The following CAMSAP1 variants were observed in gnomAD, a reference collection of about 807,000 sequenced individuals.
CAMSAP1 encodes the protein calmodulin regulated spectrin associated protein 1.
CAMSAP1 carries 58 observed loss-of-function variants against 143.5 expected under a neutral mutation model. That is an observed-to-expected ratio of 0.40 (90% CI 0.33 to 0.50). The LOEUF (loss-of-function observed/expected upper bound fraction) is 0.50. Among genes scored for constraint, CAMSAP1 ranks in the 20% least tolerant of loss-of-function variants. The pLI is 0.45. For missense variants in CAMSAP1, 1,969 were observed against 2,115.7 expected (o/e 0.93, Z 1.36); for synonymous variants, 945 against 859.3 (o/e 1.10, Z -1.74).
rs1387289720 is a variant in CAMSAP1 at position 135,820,280 on chromosome 9, A to C, written c.3822+559T>G. On this transcript the variant is annotated intron_variant, in intron 11 of 16. Transcript: ENST00000389532. The surrounding 1 kb of genome is among the most constrained non-coding windows in gnomAD (Gnocchi z 4.4). ...TTAGGAGACGACGATATATGGTCTTATCATCTTAGGAGACAACGAACGTCA... is the reference window on the plus strand; with the variant it reads ...TTAGGAGACGACGATATATGGTCTTCTCATCTTAGGAGACAACGAACGTCA... Among the ~76,000 whole-genome samples the C allele has an allele frequency of 1.3e-5, 2 of 152,260 alleles. No homozygotes were observed. Among genetic ancestry groups the C allele is most frequent in the Non-Finnish European group, 1.5e-5 (1 of 68,046 alleles).
intron 3 of CAMSAP1, among the ~76,000 whole-genome samples, chr9:135,870,282 T>G: frequency 6.6e-6 from 1 of 152,224 alleles, no homozygotes; most frequent in Non-Finnish European, 1.5e-5. Context: ...GATGGTTTTA[T>G]AAGGCAGTTT....
rs1305638601 is a variant in CAMSAP1 at position 135,823,228 on chromosome 9, T to C, written c.1433A>G (p.His478Arg). 5.7e-6 allele frequency: 9 copies of C among 1,566,524 alleles called. 1 individual carries two copies. In the South Asian group the frequency reaches 7.3e-5, roughly 13 times the overall value. ...PASQPTPFAL[H>R]HAASCEVDPS... Reference sequence around the variant, plus strand: ...ATCCACTTCACAACTCGCAGCGTGATGTAGAGCAAAAGGTGTTGGCTGGGA... The same window carrying C: ...ATCCACTTCACAACTCGCAGCGTGACGTAGAGCAAAAGGTGTTGGCTGGGA... Residue 478 changes from histidine to arginine, a missense_variant, in exon 11 of 17, where the codon CAT becomes CGT. Around this residue, in one of 4 missense-constraint regions of CAMSAP1, gnomAD observed 1,390 missense variants for 1,420.8 expected, o/e 0.98. Coordinates refer to ENST00000389532, the MANE Select transcript of CAMSAP1 (RefSeq NM_015447.4).
intron 5 of CAMSAP1, among the ~76,000 whole-genome samples, chr9:135,851,264 ACT>A (rs888375414): frequency 2.6e-5 from 4 of 152,212 alleles, no homozygotes; most frequent in African/African-American, 4.8e-5. Context: ...TTCAGAAATA[ACT>A]TTTTACATAA....
chr9:135,863,947 TG>T (rs1291611976), intron 4 of CAMSAP1, among the ~76,000 whole-genome samples: 1 of 152,096 alleles, frequency 6.6e-6, no homozygotes, highest in Non-Finnish European at 1.5e-5. Flanking sequence ...TAAGGTCAGG[TG>T]AAACACTCCG....
chr9:135,816,306 GC>G (rs1257512063), intron 14 of CAMSAP1, among the ~76,000 whole-genome samples: 2 of 152,220 alleles, frequency 1.3e-5, no homozygotes, highest in Non-Finnish European at 2.9e-5. Context: ...CGTGAGCAGG[GC>G]ACAGGCACAG....
At position 135,822,035 on chromosome 9, in the gene CAMSAP1, A is replaced by G. The variant is rs759919454; in HGVS notation, c.2626T>C (p.Ser876Pro). The G allele has an allele frequency of 1.2e-6, 2 of 1,612,762 alleles. No individual in the cohort carries two copies. The highest frequency in any genetic ancestry group is 1.7e-6 in the Non-Finnish European group (2 of 1,179,476). ...TGCATGTGCAGCTGTACCAGCTCAG[A>G]TGCCAGGAGGCTGGCGGGATCCTTG... ...HGKDPASLLA[S>P]ELVQLHMQLE... The change falls in exon 11 of 17, where the codon TCT (serine) becomes CCT (proline). Residue 876 changes from serine to proline, a missense_variant. Ser to Pro is a moderately conservative substitution (Grantham distance 74). This residue lies in a region of CAMSAP1 where 1,390 missense variants were observed against 1,420.8 expected (regional missense o/e 0.98). Transcript: ENST00000389532. This position sits in a 1 kb window ranked among gnomAD's most constrained non-coding sequence, Gnocchi z 6.1.
chr9:135,813,577 G>T (rs564756597), intron 16 of CAMSAP1, among the ~76,000 whole-genome samples: 1 of 152,218 alleles, frequency 6.6e-6, no homozygotes, highest in African/African-American at 2.4e-5. Flanking sequence ...CTGCCTGCAC[G>T]ATAAGGAAGC....
chr9:135,876,435 C>T (rs1837752425), intron 3 of CAMSAP1, among the ~76,000 whole-genome samples: 1 of 152,002 alleles, frequency 6.6e-6, no homozygotes, highest in Non-Finnish European at 1.5e-5. Flanking sequence ...AGCAGCACCT[C>T]ATAAAAGAAT....
At chr9:135,856,303 C>G (rs1836968069) in intron 5 of CAMSAP1, among the ~76,000 whole-genome samples, 1 of 152,080 alleles carries the variant, frequency 6.6e-6, no homozygotes, top group South Asian at 2.1e-4. Flanking sequence ...AGAATGAGAG[C>G]CAAGCTAAAT....
At chr9:135,859,346 A>T (rs998279435) in intron 5 of CAMSAP1, among the ~76,000 whole-genome samples, 1 of 152,192 alleles carries the variant, frequency 6.6e-6, no homozygotes, top group African/African-American at 2.4e-5. Flanking sequence ...TTTCTGTTAC[A>T]TAAGTCAGCA....
intron 3 of CAMSAP1, among the ~76,000 whole-genome samples, chr9:135,879,302 C>G (rs1837855430): frequency 6.6e-6 from 1 of 152,070 alleles, no homozygotes; most frequent in Non-Finnish European, 1.5e-5. Flanking sequence ...TCTGCCAAGT[C>G]CACAGAAACA....
chr9:135,816,017 A>C lies in CAMSAP1; in HGVS notation c.4272-12T>G, dbSNP rs1564414727. ...CCATCGATTCCACTCTGCAGGCAGA[A>C]ACAGACAAGAGACAGGCAGGTGAAG... On this transcript the variant is annotated splice_polypyrimidine_tract_variant and intron_variant, in intron 14 of 16. Coordinates refer to ENST00000389532, the MANE Select transcript of CAMSAP1 (RefSeq NM_015447.4). 1 of 1,612,250 alleles carries C rather than the reference A, an allele frequency of 6.2e-7. No homozygotes were observed. The highest frequency in any genetic ancestry group is 1.7e-5 in the Admixed American group (1 of 60,012).
At chr9:135,836,184 A>G in intron 7 of CAMSAP1, 5 of 985,046 alleles carry the variant, frequency 5.1e-6, no homozygotes, top group Non-Finnish European at 6.0e-6. Flanking sequence ...ATCACCACAT[A>G]CCTTTACCCG....
chr9:135,818,631 C>T lies in CAMSAP1; in HGVS notation c.3960-15G>A. 2.5e-6 allele frequency: 4 copies of T among 1,609,248 alleles called. No individual in the cohort carries two copies. The highest frequency in any genetic ancestry group is 2.2e-5 in the East Asian group (1 of 44,742). On this transcript the variant is annotated splice_polypyrimidine_tract_variant and intron_variant, in intron 12 of 16. Transcript: ENST00000389532. This position sits in a 1 kb window ranked among gnomAD's most constrained non-coding sequence, Gnocchi z 7.7. ...CAGCTTTGCGCCTGAGAGAAACACACGCCCAGACACTGCTCGGTCACGGGG... is the reference window on the plus strand; with the variant it reads ...CAGCTTTGCGCCTGAGAGAAACACATGCCCAGACACTGCTCGGTCACGGGG...
At position 135,878,192 on chromosome 9, in the gene CAMSAP1, G is replaced by A. The variant is rs532678157; in HGVS notation, c.585+3441C>T. ...ACCCAGGTAGGGACCCCGGCCAGGA[G>A]GAGACGGGTGAGCGGCCTGGAGCAG... is the stretch of plus-strand genomic sequence containing the variant. On this transcript the variant is annotated intron_variant, in intron 3 of 16. Coordinates refer to ENST00000389532, the MANE Select transcript of CAMSAP1 (RefSeq NM_015447.4). Among the ~76,000 whole-genome samples the A allele has an allele frequency of 8.5e-5, 13 of 152,342 alleles. No individual in the cohort carries two copies. The East Asian group carries it at 2.5e-3, about 29-fold the overall frequency.
intron 1 of CAMSAP1, among the ~76,000 whole-genome samples, chr9:135,899,661 C>A (rs1447607864): frequency 6.6e-6 from 1 of 152,184 alleles, no homozygotes; most frequent in Non-Finnish European, 1.5e-5. Context: ...CGCCTTCCAA[C>A]TCTGCAGCCA....
chr9:135,834,226 A>G (rs769689815), intron 7 of CAMSAP1, among the ~76,000 whole-genome samples: 14 of 152,242 alleles, frequency 9.2e-5, no homozygotes, highest in Non-Finnish European at 2.1e-4. Context: ...TGGTATAGCC[A>G]TTCTGAAAAA....
chr9:135,871,670 T>C (rs1837574786), intron 3 of CAMSAP1, among the ~76,000 whole-genome samples: 1 of 152,088 alleles, frequency 6.6e-6, no homozygotes, highest in Non-Finnish European at 1.5e-5. Context: ...GGCTCACACC[T>C]GTAATCCCAG....
chr9:135,823,263 G>C lies in CAMSAP1; in HGVS notation c.1401-3C>G, dbSNP rs745902891. Reference sequence around the variant, plus strand: ...AAGGTGTTGGCTGGGACGCAGGCCTGAAACACAGGGAAGGCCCACTGGGTG... The same window carrying C: ...AAGGTGTTGGCTGGGACGCAGGCCTCAAACACAGGGAAGGCCCACTGGGTG... On this transcript the variant is annotated splice_polypyrimidine_tract_variant and splice_region_variant and intron_variant, in intron 10 of 16. Coordinates refer to ENST00000389532, the MANE Select transcript of CAMSAP1 (RefSeq NM_015447.4). 6.5e-7 allele frequency: 1 copy of C among 1,539,980 alleles called. No individual in the cohort carries two copies. The highest frequency in any genetic ancestry group is 1.4e-5 in the African/African-American group (1 of 72,660).
Sources: allele counts gnomAD v4.1 joint callset (sites outside exome capture counted in the v4.1 genomes callset), GRCh38; gene constraint gnomAD v4.1.1; regional missense constraint gnomAD v4.1.1; non-coding constraint Gnocchi (gnomAD v3.1); transcripts MANE v1.5; gene names NCBI Gene and HGNC (gene_info 2026-07-23, HGNC 2026-07-21).